KIFAP3: variants seen among roughly 807,000 people sequenced by gnomAD.
The protein encoded by KIFAP3 is kinesin associated protein 3.
In KIFAP3, 68 loss-of-function variants were observed where a neutral mutation model predicts 106.5. The ratio of observed to expected loss-of-function variants is 0.64; its 90% confidence interval spans 0.53 to 0.78. KIFAP3 has a LOEUF of 0.78. Ranked by LOEUF, KIFAP3 falls within the 30% of genes least tolerant of loss-of-function variation. The pLI, the probability that KIFAP3 is intolerant of heterozygous loss-of-function variation, is 0.00. For missense variants in KIFAP3, 780 were observed against 941.8 expected (o/e 0.83, Z 2.25); for synonymous variants, 320 against 311.5 (o/e 1.03, Z -0.29).
intron 10 of KIFAP3, among the ~76,000 whole-genome samples, chr1:170,012,010 C>A (rs529592648): frequency 2.1e-3 from 320 of 152,060 alleles, no homozygotes; most frequent in Non-Finnish European, 3.5e-3. Context: ...AGAAATGTTA[C>A]AAGGTCCACA....
At chr1:169,977,103 G>A (rs900652401) in intron 16 of KIFAP3, among the ~76,000 whole-genome samples, 2 of 152,130 alleles carry the variant, frequency 1.3e-5, no homozygotes, top group African/African-American at 2.4e-5. Flanking sequence ...AACTCCCTGA[G>A]GTCAAGGACT....
At chr1:169,930,115 T>C (rs1663379668) in intron 19 of KIFAP3, among the ~76,000 whole-genome samples, 1 of 152,200 alleles carries the variant, frequency 6.6e-6, no homozygotes. Context: ...TGATTATATT[T>C]TAATGTGGAG....
intron 17 of KIFAP3, among the ~76,000 whole-genome samples, chr1:169,969,109 G>C (rs1415782153): frequency 1.3e-5 from 2 of 151,908 alleles, no homozygotes; most frequent in African/African-American, 4.8e-5. Flanking sequence ...AGTTCTGCTT[G>C]GTCTGGAAAG....
chr1:170,025,736 T>A (rs1355468522), intron 8 of KIFAP3, among the ~76,000 whole-genome samples: 1 of 152,170 alleles, frequency 6.6e-6, no homozygotes, highest in African/African-American at 2.4e-5. Context: ...AAAATTCAAG[T>A]CTATCAGAAT....
intron 10 of KIFAP3, 151 bp downstream of exon 10, chr1:170,016,311 T>C: frequency 3.3e-6 from 2 of 604,780 alleles, no homozygotes; most frequent in Non-Finnish European, 5.5e-6. Context: ...GGTCATTTTT[T>C]ACTTACTCTG....
At chr1:170,017,206 G>A (rs557629715) in intron 9 of KIFAP3, among the ~76,000 whole-genome samples, 30 of 141,128 alleles carry the variant, frequency 2.1e-4, no homozygotes, top group East Asian at 1.1e-3. Context: ...GCAGTGAGCC[G>A]AGATCATGCT....
Position 170,074,661 on chromosome 1 carries a change from A to C in KIFAP3, c.-194T>G. ...CCTCCCACAGCTTCTGTGCCCCAAA[A>C]CACTGGAGCGGCCCAGACCCGCCCA... On this transcript the variant is annotated 5_prime_UTR_variant, in exon 1 of 20. Coordinates refer to ENST00000361580, the MANE Select transcript of KIFAP3 (RefSeq NM_014970.4). 2.1e-6 allele frequency: 3 copies of C among 1,452,282 alleles called. No individual in the cohort carries two copies. Among genetic ancestry groups the C allele is most frequent in the Non-Finnish European group, 2.7e-6 (3 of 1,101,936 alleles). 90.0% of individuals were successfully genotyped at this position (1,452,282 alleles called of 1,614,324 possible).
intron 10 of KIFAP3, among the ~76,000 whole-genome samples, chr1:170,004,500 A>G (rs61825341): frequency 0.1 from 15,466 of 151,466 alleles, 949 homozygotes; most frequent in East Asian, 0.18. Flanking sequence ...TACTGGTACC[A>G]AAACAGAGAT....
chr1:169,974,734 A>C (rs1666132253), intron 16 of KIFAP3, among the ~76,000 whole-genome samples: 1 of 151,892 alleles, frequency 6.6e-6, no homozygotes, highest in Admixed American at 6.6e-5. Context: ...GTACTCAATA[A>C]ATTTTTATTT....
chr1:170,007,102 G>A (rs780707971), intron 10 of KIFAP3, among the ~76,000 whole-genome samples: 34 of 152,232 alleles, frequency 2.2e-4, no homozygotes, highest in South Asian at 4.1e-4. Context: ...CTGCTCATAG[G>A]TTGAGTAATA....
intron 4 of KIFAP3, 82 bp downstream of exon 4, chr1:170,039,151 T>C (rs1322773808): frequency 2.8e-6 from 2 of 716,102 alleles, no homozygotes; most frequent in Non-Finnish European, 4.7e-6. Context: ...ATGTGCTTAA[T>C]GTGATTGTGT....
chr1:169,991,572 A>G (rs998340896), intron 11 of KIFAP3, among the ~76,000 whole-genome samples: 2 of 152,174 alleles, frequency 1.3e-5, no homozygotes, highest in African/African-American at 4.8e-5. Context: ...TTCTTAGAAG[A>G]TATTTTGGCC....
chr1:170,028,796 G>A (rs1431656874), intron 8 of KIFAP3, among the ~76,000 whole-genome samples: 1 of 152,088 alleles, frequency 6.6e-6, no homozygotes, highest in African/African-American at 2.4e-5. Context: ...TCACTTGTAG[G>A]TAGACAACTA....
At chr1:170,052,005 T>C (rs1670598585) in intron 2 of KIFAP3, among the ~76,000 whole-genome samples, 1 of 151,568 alleles carries the variant, frequency 6.6e-6, no homozygotes, top group South Asian at 2.1e-4. Flanking sequence ...AGAGCAGAAA[T>C]GAAGGAGATA....
At chr1:169,984,006 T>C (rs867237534) in intron 12 of KIFAP3, among the ~76,000 whole-genome samples, 1 of 151,964 alleles carries the variant, frequency 6.6e-6, no homozygotes, top group Middle Eastern at 3.4e-3. Flanking sequence ...TTACTAATTT[T>C]AAAAGAATGT....
chr1:169,938,825 G>A (rs913098072), intron 19 of KIFAP3, among the ~76,000 whole-genome samples: 8 of 152,176 alleles, frequency 5.3e-5, no homozygotes, highest in Non-Finnish European at 1.0e-4. Flanking sequence ...GTAAGAAGAA[G>A]CCAGTTATTT....
chr1:169,938,742 G>A (rs909775992), intron 19 of KIFAP3, among the ~76,000 whole-genome samples: 8 of 152,138 alleles, frequency 5.3e-5, no homozygotes, highest in African/African-American at 1.9e-4. Context: ...AGATGAGGGA[G>A]AAGCAGCTTC....
intron 3 of KIFAP3, 31 bp downstream of exon 3, chr1:170,046,681 G>T: frequency 7.0e-7 from 1 of 1,429,432 alleles, no homozygotes; most frequent in South Asian, 1.7e-5. Flanking sequence ...CTTTGGATTT[G>T]CATTAGGAAG....
intron 3 of KIFAP3, among the ~76,000 whole-genome samples, chr1:170,045,175 G>A (rs769010365): frequency 6.6e-5 from 10 of 152,102 alleles, no homozygotes; most frequent in Non-Finnish European, 1.3e-4. Flanking sequence ...ACTTTACAGA[G>A]CCAATAAAAG....
Sources: gnomAD v4.1 joint callset for allele counts (sites outside exome capture counted in the v4.1 genomes callset) on GRCh38, gnomAD v4.1.1 for gene constraint, MANE v1.5 for transcripts, NCBI Gene and HGNC (gene_info 2026-07-23, HGNC 2026-07-21) for gene names.